Variants in ZNF454 observed in about 807,000 individuals in gnomAD.
The protein encoded by ZNF454 is zinc finger protein 454.
In ZNF454, 30 loss-of-function variants were observed where a neutral mutation model predicts 48.2. That is an observed-to-expected ratio of 0.62 (90% CI 0.47 to 0.84). The LOEUF (loss-of-function observed/expected upper bound fraction) is 0.84, where lower values mean the gene tolerates loss of function less well. Among genes scored for constraint, ZNF454 ranks in the 40% least tolerant of loss-of-function variants. The probability of loss-of-function intolerance (pLI) is 0.00; values close to 1 mark genes in which losing one functional copy is unlikely to be tolerated. For missense variants in ZNF454, 510 were observed against 623.1 expected, an observed-to-expected ratio of 0.82 and a Z score of 1.93; for synonymous variants, 204 against 211.4, an observed-to-expected ratio of 0.97 and a Z score of 0.30.
chr5:178,967,827 C>A (rs1760188065), downstream of ZNF454, among the ~76,000 whole-genome samples: 1 of 148,488 alleles, frequency 6.7e-6, no homozygotes, highest in Admixed American at 6.8e-5. Flanking sequence ...GTAACTTCCA[C>A]CTCCTGGGTT....
Position 178,944,007 on chromosome 5 carries a change from A to C in ZNF454, c.33+1183A>C, listed in dbSNP as rs1419929288. Among the ~76,000 whole-genome samples, 1 of 152,258 alleles carries C rather than the reference A, an allele frequency of 6.6e-6. No individual in the cohort carries two copies. The highest frequency in any genetic ancestry group is 1.9e-4 in the East Asian group (1 of 5,198). On this transcript the variant is annotated intron_variant, in intron 2 of 4. Transcript: ENST00000519564. This position sits in a 1 kb window ranked among gnomAD's most constrained non-coding sequence, Gnocchi z 4.1. The stretch of plus-strand genomic sequence containing the variant: ...GTGCCAGTGCACTCCAGCCTGAGTG[A>C]CAGAGCGAGACTCCATCTCAAAAAT...
downstream of ZNF454, chr5:178,968,769 G>C (rs1415275942): frequency 6.6e-6 from 3 of 456,594 alleles, no homozygotes; most frequent in Non-Finnish European, 1.3e-5. Context: ...TGAGTTGGTT[G>C]GTGGTTTTGT....
chr5:178,946,895 A>G lies in ZNF454; in HGVS notation c.161-2A>G. On this transcript the variant is annotated splice_acceptor_variant, in intron 3 of 4. Coordinates refer to ENST00000519564, the MANE Select transcript of ZNF454 (RefSeq NM_001178089.3). LOFTEE classifies it high-confidence loss of function. This position sits in a 1 kb window ranked among gnomAD's most constrained non-coding sequence, Gnocchi z 4.5. ...TTCATTTTTGTCTCCCCTTAAAAAC[A>G]GGACTCTTAGGACCCAAACCAGATA... The G allele has an allele frequency of 6.2e-7, 1 of 1,613,168 alleles. No individual in the cohort carries two copies. Among genetic ancestry groups the G allele is most frequent in the Non-Finnish European group, 8.5e-7 (1 of 1,179,650 alleles).
the ZNF454 span, chr5:178,989,543 A>G: frequency 4.6e-6 from 5 of 1,087,372 alleles, no homozygotes; most frequent in South Asian, 1.3e-5. Context: ...AGGCATGGCC[A>G]GGTGAGCTAG....
chr5:178,945,554 T>C (rs1022990461), intron 2 of ZNF454, among the ~76,000 whole-genome samples: 3 of 149,340 alleles, frequency 2.0e-5, no homozygotes, highest in Non-Finnish European at 4.5e-5. Context: ...TCTGTGTTTG[T>C]ATATAGGTGT....
the ZNF454 span, among the ~76,000 whole-genome samples, chr5:178,971,684 TA>T: frequency 2.5e-3 from 354 of 141,926 alleles, no homozygotes; most frequent in Middle Eastern, 7.0e-3. Flanking sequence ...CCATCTCTAC[TA>T]AAAAAAAAAA....
chr5:178,947,027 C>T lies in ZNF454; in HGVS notation c.250+41C>T, dbSNP rs150254993. ...GTGGGAGACACCGGGAGGAGCCCTG[C>T]TGGGTAGGGAAGGCTCCGTAGGGAA... On this transcript the variant is annotated intron_variant, in intron 4 of 4. Coordinates refer to ENST00000519564, the MANE Select transcript of ZNF454 (RefSeq NM_001178089.3). 924 of 1,572,656 alleles carry T rather than the reference C, an allele frequency of 5.9e-4. 10 individuals carry two copies. In the African/African-American group the frequency reaches 0.01, roughly 18 times the overall value.
chr5:178,966,284 A>G lies in ZNF454; in HGVS notation c.*311A>G, dbSNP rs1190152389. On this transcript the variant is annotated 3_prime_UTR_variant, in exon 5 of 5. Transcript: ENST00000519564. ...CCCATCGCTACTAAAAATATAAAAAATTACCCGGGCATGGTGGTGGGCGCC... is the reference window on the plus strand; with the variant it reads ...CCCATCGCTACTAAAAATATAAAAAGTTACCCGGGCATGGTGGTGGGCGCC... 5.4e-6 allele frequency: 1 copy of G among 184,112 alleles called. No individual in the cohort carries two copies. The highest frequency in any genetic ancestry group is 5.5e-5 in the Admixed American group (1 of 18,218). 11.4% of individuals were successfully genotyped at this position (184,112 alleles called of 1,614,324 possible). A position where few individuals can be genotyped will look rare whatever the true frequency, so the allele number is the denominator to read the frequency against.
In ZNF454 at chr5:178,960,382, G is replaced by A. The variant is rs530911948; in HGVS notation, c.251-4273G>A. ...AAGCGATTCTCCTGCCTCAGCCTCC[G>A]GAGTAGTTGGGATTACAGGCATGTG... is the stretch of plus-strand genomic sequence containing the variant. On this transcript the variant is annotated intron_variant, in intron 4 of 4. Transcript: ENST00000519564. 1.4e-4 allele frequency among the ~76,000 whole-genome samples: 21 copies of A among 151,382 alleles called. 1 individual carries two copies. The highest frequency in any genetic ancestry group is 3.4e-3 in the Middle Eastern group (1 of 292).
At position 178,946,269 on chromosome 5, in the gene ZNF454, G is replaced by T; in HGVS notation, c.34-90G>T. 3 of 1,554,676 alleles carry T rather than the reference G, an allele frequency of 1.9e-6. No homozygotes were observed. The highest frequency in any genetic ancestry group is 2.6e-6 in the Non-Finnish European group (3 of 1,152,158). On this transcript the variant is annotated intron_variant, in intron 2 of 4. Transcript: ENST00000519564. This position sits in a 1 kb window ranked among gnomAD's most constrained non-coding sequence, Gnocchi z 4.5. ...TGTGTGCCAGCAGTCCTGTAAATGC[G>T]CACAAGCTCCTAGGGGCTGCCAGTC...
chr5:178,942,740 T>G lies in ZNF454; in HGVS notation c.-52T>G, dbSNP rs774838938. On this transcript the variant is annotated 5_prime_UTR_variant, in exon 2 of 5. Transcript: ENST00000519564. ...TCCTGCAGGTGTGAAGCTCCACACC[T>G]GCCTCCATAGCACTTTGCCTGTCCC... The G allele has an allele frequency of 2.0e-5, 33 of 1,609,974 alleles. No homozygotes were observed. Among genetic ancestry groups the G allele is most frequent in the Non-Finnish European group, 2.8e-5 (33 of 1,176,950 alleles).
At chr5:178,970,890 C>T (rs1225479977), downstream of ZNF454, among the ~76,000 whole-genome samples, 1 of 152,174 alleles carries the variant, frequency 6.6e-6, no homozygotes, top group Admixed American at 6.5e-5. Context: ...TCTCTGTAGC[C>T]AGCCTGGCCC....
At chr5:178,976,990 G>A in the ZNF454 span, among the ~76,000 whole-genome samples, 1 of 152,314 alleles carries the variant, frequency 6.6e-6, no homozygotes, top group East Asian at 1.9e-4. Context: ...GTTTCTGTTA[G>A]GAGAGTCTGC....
intron 2 of ZNF454, 50 bp downstream of exon 2, chr5:178,942,874 T>C (rs920432560): frequency 9.5e-6 from 15 of 1,586,734 alleles, no homozygotes; most frequent in African/African-American, 1.3e-5. Context: ...TTGAAGAGTG[T>C]GGCATGTTTG....
At chr5:178,971,860 A>AAG in the ZNF454 span, among the ~76,000 whole-genome samples, 18 of 143,760 alleles carry the variant, frequency 1.3e-4, no homozygotes, top group African/African-American at 4.4e-4. Context: ...GAAAAAAAAA[A>AAG]AAGAAGAAGA....
At chr5:178,975,206 G>A in the ZNF454 span, among the ~76,000 whole-genome samples, 6 of 152,102 alleles carry the variant, frequency 3.9e-5, no homozygotes, top group Non-Finnish European at 5.9e-5. Flanking sequence ...ACTTGAACCC[G>A]GGAGGTGGAG....
the ZNF454 span, chr5:178,981,857 A>T: frequency 6.3e-7 from 1 of 1,597,270 alleles, no homozygotes; most frequent in Middle Eastern, 1.7e-4. The surrounding 1 kb of genome is among the most constrained non-coding windows in gnomAD (Gnocchi z 5.1). Context: ...ATGTAGATCT[A>T]GGCCATGGAA....
chr5:178,956,938 C>T, intron 4 of ZNF454: 1 of 298,892 alleles, frequency 3.3e-6, no homozygotes, highest in South Asian at 2.7e-5. Flanking sequence ...AGCTGGAGTG[C>T]AGTGGTACAA....
downstream of ZNF454, among the ~76,000 whole-genome samples, chr5:178,971,198 A>G (rs969094174): frequency 6.6e-6 from 1 of 152,230 alleles, no homozygotes; most frequent in Non-Finnish European, 1.5e-5. Flanking sequence ...TCCTAGAGAC[A>G]GGAGGCAGGG....
Sources: allele counts gnomAD v4.1 joint callset (sites outside exome capture counted in the v4.1 genomes callset), GRCh38; gene constraint gnomAD v4.1.1; non-coding constraint Gnocchi (gnomAD v3.1); transcripts MANE v1.5; gene names NCBI Gene and HGNC (gene_info 2026-07-23, HGNC 2026-07-21).